Variants in CDK11B observed in about 807,000 individuals in gnomAD.
CDK11B encodes cyclin-dependent kinase 11B.
CDK11B carries 37 observed loss-of-function variants against 84.0 expected under a neutral mutation model. That is an observed-to-expected ratio of 0.44 (90% confidence interval 0.34 to 0.58). The LOEUF is 0.58. Among genes scored for constraint, CDK11B ranks in the 20% least tolerant of loss-of-function variants. The probability of loss-of-function intolerance (pLI) is 0.02; values close to 1 mark genes in which losing one functional copy is unlikely to be tolerated. For synonymous variants in CDK11B, 269 were observed against 309.8 expected (o/e 0.87, Z 1.38); for missense variants, 427 against 834.0 (o/e 0.51, Z 6.01).
chr1:1,654,885 T>C (rs909665619), intron 3 of CDK11B, among the ~76,000 whole-genome samples: 16 of 151,554 alleles, frequency 1.1e-4, no homozygotes, highest in East Asian at 1.9e-4. Flanking sequence ...GTCTTGATCT[T>C]CTGACCTTGT....
rs1473878201 is a variant in CDK11B at position 1,649,559 on chromosome 1, C to T, written c.434G>A (p.Arg145His). 3.3e-5 allele frequency: 53 copies of T among 1,604,392 alleles called. No individual in the cohort carries two copies. Among genetic ancestry groups the T allele is most frequent in the Middle Eastern group, 1.6e-4 (1 of 6,072 alleles). ...TCTCTTCTGTCTTTCCCATTCCCGGCGAGCTTTATCCTGTTCTTCTCGATG... is the reference window on the plus strand; with the variant it reads ...TCTCTTCTGTCTTTCCCATTCCCGGTGAGCTTTATCCTGTTCTTCTCGATG... Reference protein sequence around the residue: ...KRHREEQDKARREWERQKRRE... With the variant: ...KRHREEQDKAHREWERQKRRE... Residue 145 changes from arginine to histidine, a missense_variant, in exon 5 of 20, where the codon CGC (arginine) becomes CAC (histidine). Around this residue, in one of 12 missense-constraint regions of CDK11B, gnomAD observed 71 missense variants for 66.2 expected, o/e 1.07. Coordinates refer to ENST00000341832, the MANE Select transcript of CDK11B (RefSeq NM_033486.3).
intron 11 of CDK11B, among the ~76,000 whole-genome samples, chr1:1,638,937 ATTTTTTTTT>A (rs70937162): frequency 5.9e-5 from 7 of 119,436 alleles, no homozygotes; most frequent in African/African-American, 2.4e-4. Context: ...TCTGTTTTCT[ATTTTTTTTT>A]TTTTTTTTTT....
intron 4 of CDK11B, among the ~76,000 whole-genome samples, chr1:1,650,093 ACC>A (rs1287076560): frequency 6.6e-6 from 1 of 150,792 alleles, no homozygotes. Context: ...ACACGGTGAA[ACC>A]CCATCTCTAC....
rs1641627215 is a variant in CDK11B at position 1,649,635 on chromosome 1, T to A, written c.358A>T (p.Lys120Ter). ...RHRSHSAEGG[K>*]HARVKEKERE... Reference sequence around the variant, plus strand: ...TCTTTTTCTTTCACTCTAGCATGCTTCCCTAATGAGAAATAAAGTGTCATG... The same window carrying A: ...TCTTTTTCTTTCACTCTAGCATGCTACCCTAATGAGAAATAAAGTGTCATG... Residue 120 changes from lysine (K) to a stop codon, truncating the protein, a stop_gained and splice_region_variant, in exon 5 of 20, where the codon AAG (lysine) becomes TAG (stop). Transcript: ENST00000341832. LOFTEE classifies it high-confidence loss of function. The A allele has an allele frequency of 6.2e-7, 1 of 1,610,102 alleles. No homozygotes were observed. Among genetic ancestry groups the A allele is most frequent in the African/African-American group, 1.3e-5 (1 of 74,794 alleles).
At chr1:1,655,210 A>T in intron 3 of CDK11B, 159 bp downstream of exon 3, 1 of 901,046 alleles carries the variant, frequency 1.1e-6, no homozygotes, top group South Asian at 2.5e-5. Context: ...CACAACTGTG[A>T]CATAAAAACC....
At position 1,639,252 on chromosome 1, in the gene CDK11B, C is replaced by T. The variant is rs1639877450; in HGVS notation, c.1252-662G>A. Among the ~76,000 whole-genome samples the T allele has an allele frequency of 2.0e-5, 3 of 151,752 alleles. 1 individual carries two copies. Among genetic ancestry groups the T allele is most frequent in the African/African-American group, 7.3e-5 (3 of 41,270 alleles). ...CACTGTGCCCGGTCAAAACTCCTTT[C>T]TACAAAATAAAAAAATTAGCCAGGC... On this transcript the variant is annotated intron_variant, in intron 11 of 19. Transcript: ENST00000341832.
At chr1:1,658,845 T>G (rs1330742228) in intron 1 of CDK11B, 69 bp downstream of exon 1, 3 of 154,734 alleles carry the variant, frequency 1.9e-5, no homozygotes, top group Non-Finnish European at 2.9e-5. Flanking sequence ...CGAGGCCTGC[T>G]CGGAAGAAAG....
chr1:1,648,516 G>A (rs1350300955), intron 5 of CDK11B, among the ~76,000 whole-genome samples: 2 of 139,112 alleles, frequency 1.4e-5, no homozygotes, highest in East Asian at 2.5e-4. Context: ...GGCAAACATC[G>A]CTGCCCTTCC....
chr1:1,637,603 C>A, intron 13 of CDK11B, 90 bp from the exon 14 acceptor site: 2 of 1,609,014 alleles, frequency 1.2e-6, no homozygotes, highest in East Asian at 2.2e-5. Flanking sequence ...CAGTAAGGAC[C>A]TCCGGTGCCA....
rs537877586 is a variant in CDK11B at position 1,636,947 on chromosome 1, C to T, written c.1750G>A (p.Val584Ile). 5.4e-5 allele frequency: 87 copies of T among 1,608,308 alleles called. No homozygotes were observed. In the Middle Eastern group the frequency reaches 1.0e-3, roughly 19 times the overall value. Residue 584 changes from valine (V) to isoleucine (I), a missense_variant, in exon 16 of 20, where the codon GTC (valine) becomes ATC (isoleucine). Val to Ile is a conservative substitution (Grantham distance 29). This residue lies in a region of CDK11B where 170 missense variants were observed against 196.0 expected (regional missense o/e 0.87). Coordinates refer to ENST00000341832, the MANE Select transcript of CDK11B (RefSeq NM_033486.3). ...GCGCGGTACCACAGGGTCACCACGACCGGGGTGTAGGCCTTCAGAGGGGAT... is the reference window on the plus strand; with the variant it reads ...GCGCGGTACCACAGGGTCACCACGATCGGGGTGTAGGCCTTCAGAGGGGAT... The part of the protein sequence containing the change: ...YGSPLKAYTP[V>I]VVTLWYRAPE...
At chr1:1,653,825 TACACACACACACACACACAC>T (rs782129056) in intron 3 of CDK11B, among the ~76,000 whole-genome samples, 2 of 121,844 alleles carry the variant, frequency 1.6e-5, no homozygotes, top group East Asian at 2.8e-4. Context: ...CTACTAAAAA[TACACACACACACACACACAC>T]ACACACACAC....
chr1:1,654,373 G>A (rs1006187104), intron 3 of CDK11B, among the ~76,000 whole-genome samples: 1 of 152,102 alleles, frequency 6.6e-6, no homozygotes, highest in Non-Finnish European at 1.5e-5. Context: ...TTAGAAGCTA[G>A]GCCCTGAAAA....
chr1:1,637,608 G>A, intron 13 of CDK11B, 95 bp from the exon 14 acceptor site: 1 of 1,608,818 alleles, frequency 6.2e-7, no homozygotes, highest in Non-Finnish European at 8.5e-7. Flanking sequence ...AGGACCTCCG[G>A]TGCCACCCGG....
intron 5 of CDK11B, among the ~76,000 whole-genome samples, chr1:1,647,260 G>T (rs1641282308): frequency 6.6e-6 from 1 of 152,180 alleles, no homozygotes; most frequent in Admixed American, 6.5e-5. Context: ...AGTTTTTACT[G>T]ATGATGTTCT....
intron 11 of CDK11B, among the ~76,000 whole-genome samples, chr1:1,640,021 A>G (rs1257778411): frequency 6.6e-6 from 1 of 151,628 alleles, no homozygotes; most frequent in Admixed American, 6.6e-5. Context: ...GCGCGGCCGC[A>G]CGCCCAGGCT....
In CDK11B at chr1:1,652,209, T is replaced by C. The variant is rs1431826968; in HGVS notation, c.355+230A>G. 4.0e-5 allele frequency among the ~76,000 whole-genome samples: 6 copies of C among 151,876 alleles called. 1 individual carries two copies. Among genetic ancestry groups the C allele is most frequent in the African/African-American group, 1.4e-4 (6 of 41,426 alleles). On this transcript the variant is annotated intron_variant, in intron 4 of 19. Coordinates refer to ENST00000341832, the MANE Select transcript of CDK11B (RefSeq NM_033486.3). ...TGGTTTTCGGTCTGTGACACACGCATGCTTTCAGCTAGAGTTTGCTCTCTC... is the reference window on the plus strand; with the variant it reads ...TGGTTTTCGGTCTGTGACACACGCACGCTTTCAGCTAGAGTTTGCTCTCTC...
chr1:1,639,314 G>A (rs1232757543), intron 11 of CDK11B, among the ~76,000 whole-genome samples: 1 of 151,828 alleles, frequency 6.6e-6, no homozygotes, highest in Non-Finnish European at 1.5e-5. Context: ...CTACTCAGGA[G>A]GCTGAAATGG....
intron 4 of CDK11B, among the ~76,000 whole-genome samples, chr1:1,650,927 G>A (rs1425237597): frequency 2.6e-5 from 4 of 151,846 alleles, no homozygotes; most frequent in Admixed American, 6.6e-5. Flanking sequence ...TGTAATATTC[G>A]TCTTTTAAAA....
intron 5 of CDK11B, among the ~76,000 whole-genome samples, 196 bp downstream of exon 5, chr1:1,649,303 A>G (rs1270417533): frequency 1.3e-5 from 2 of 151,832 alleles, no homozygotes; most frequent in Non-Finnish European, 2.9e-5. Flanking sequence ...GGGTTTCACC[A>G]TGTCAGCCAG....
Sources: allele counts gnomAD v4.1 joint callset (sites outside exome capture counted in the v4.1 genomes callset), GRCh38; gene constraint gnomAD v4.1.1; regional missense constraint gnomAD v4.1.1; transcripts MANE v1.5; gene names NCBI Gene and HGNC (gene_info 2026-07-23, HGNC 2026-07-21).